SRRM4: variants seen among roughly 807,000 people sequenced by gnomAD.
SRRM4 encodes serine/arginine repetitive matrix 4.
A neutral mutation model predicts 68.9 loss-of-function variants in SRRM4; 33 were observed. The ratio of observed to expected loss-of-function variants is 0.48; its 90% confidence interval spans 0.36 to 0.64. SRRM4 has a LOEUF of 0.64. Ranked by LOEUF, SRRM4 falls within the 30% of genes least tolerant of loss-of-function variation. The probability of loss-of-function intolerance (pLI) is 0.00; values close to 1 mark genes in which losing one functional copy is unlikely to be tolerated. For missense variants in SRRM4, 817 were observed against 827.1 expected (o/e 0.99, Z 0.15); for synonymous variants, 318 against 318.8 (o/e 1.00, Z 0.03).
chr12:119,098,636 G>C (rs1183053036), intron 1 of SRRM4, among the ~76,000 whole-genome samples: 2 of 152,096 alleles, frequency 1.3e-5, no homozygotes, highest in African/African-American at 4.8e-5. Flanking sequence ...TGCTGGCAAG[G>C]GAGCAAAGGC....
intron 1 of SRRM4, among the ~76,000 whole-genome samples, chr12:119,029,159 G>A (rs1002154707): frequency 6.6e-6 from 1 of 152,194 alleles, no homozygotes; most frequent in Non-Finnish European, 1.5e-5. Context: ...CCTCAAGGAA[G>A]AAGGAGAAGC....
intron 1 of SRRM4, among the ~76,000 whole-genome samples, chr12:119,002,163 G>A (rs1953388721): frequency 6.6e-6 from 1 of 151,908 alleles, no homozygotes; most frequent in South Asian, 2.1e-4. Context: ...GAAGTGCTTA[G>A]CCCAGTTGCC....
chr12:119,079,995 A>G (rs1283623580), intron 1 of SRRM4, among the ~76,000 whole-genome samples: 5 of 151,954 alleles, frequency 3.3e-5, no homozygotes, highest in African/African-American at 1.2e-4. Context: ...CCTTGATTTA[A>G]TCAACCCGAA....
rs185762962 is a variant in SRRM4, at chr12:119,016,445, C to T, written c.131+34432C>T. Among the ~76,000 whole-genome samples, 61 of 145,896 alleles carry T rather than the reference C, an allele frequency of 4.2e-4. No individual in the cohort carries two copies. In the East Asian group the frequency reaches 7.4e-3, roughly 18 times the overall value. ...GCCCTCCAGAGTTCAGAATTCAATA[C>T]GATGTAATTAAAAAAAAAAAAAAGA... On this transcript the variant is annotated intron_variant, in intron 1 of 12. Coordinates refer to ENST00000267260, the MANE Select transcript of SRRM4 (RefSeq NM_194286.4).
chr12:119,116,868 G>C, intron 3 of SRRM4, 69 bp from the exon 4 acceptor site: 1 of 1,361,270 alleles, frequency 7.3e-7, no homozygotes, highest in South Asian at 1.2e-5. Context: ...GACTGGGGAA[G>C]GTTCTTTTTG....
chr12:119,134,394 A>G (rs976513351), intron 8 of SRRM4, among the ~76,000 whole-genome samples: 1 of 151,758 alleles, frequency 6.6e-6, no homozygotes, highest in Admixed American at 6.6e-5. Context: ...AAAAAAAAAA[A>G]AAAAGAAGAA....
At chr12:119,068,100 A>G (rs928972514) in intron 1 of SRRM4, among the ~76,000 whole-genome samples, 1 of 152,202 alleles carries the variant, frequency 6.6e-6, no homozygotes, top group African/African-American at 2.4e-5. Flanking sequence ...GTGTTTAAAT[A>G]CTGGGCTTCA....
chr12:119,015,395 T>C (rs1953475033), intron 1 of SRRM4, among the ~76,000 whole-genome samples: 1 of 152,158 alleles, frequency 6.6e-6, no homozygotes, highest in African/African-American at 2.4e-5. Flanking sequence ...CTGCATGCAA[T>C]AGCTACAGTG....
intron 1 of SRRM4, among the ~76,000 whole-genome samples, chr12:119,004,249 C>A (rs1282068826): frequency 6.6e-6 from 1 of 151,978 alleles, no homozygotes; most frequent in Non-Finnish European, 1.5e-5. Context: ...TTTATATATT[C>A]CCCAGATCCA....
chr12:119,029,512 C>T (rs1310079172), intron 1 of SRRM4, among the ~76,000 whole-genome samples: 1 of 152,176 alleles, frequency 6.6e-6, no homozygotes, highest in African/African-American at 2.4e-5. Context: ...ATTCAACAAC[C>T]ATTCATTAGG....
At chr12:119,010,299 C>T (rs942993887) in intron 1 of SRRM4, among the ~76,000 whole-genome samples, 2 of 152,184 alleles carry the variant, frequency 1.3e-5, no homozygotes, top group African/African-American at 2.4e-5. Context: ...GTAATCCGCC[C>T]GCCTCAGCCT....
intron 1 of SRRM4, among the ~76,000 whole-genome samples, chr12:119,050,037 A>T (rs1953732542): frequency 6.6e-6 from 1 of 152,184 alleles, no homozygotes; most frequent in Non-Finnish European, 1.5e-5. Flanking sequence ...AACAAGTAGT[A>T]ATCTAATTAT....
chr12:119,154,289 C>A lies in SRRM4; in HGVS notation c.1438C>A (p.Arg480Ser), dbSNP rs1290126478. 1.9e-6 allele frequency: 3 copies of A among 1,610,472 alleles called. No individual in the cohort carries two copies. Among genetic ancestry groups the A allele is most frequent in the Non-Finnish European group, 2.5e-6 (3 of 1,178,570 alleles). The change falls in exon 12 of 13, where the codon CGC becomes AGC. Residue 480 changes from arginine (R) to serine (S), a missense_variant. Coordinates refer to ENST00000267260, the MANE Select transcript of SRRM4 (RefSeq NM_194286.4). The surrounding 1 kb of genome is among the most constrained non-coding windows in gnomAD (Gnocchi z 4.7). Reference sequence around the variant, plus strand: ...TGAGAAGGACTCGCAGCAGCGGGAGCGCGAGCGAGCGCGTCGGAGACGTCG... The same window carrying A: ...TGAGAAGGACTCGCAGCAGCGGGAGAGCGAGCGAGCGCGTCGGAGACGTCG... ...YSEKDSQQRE[R>S]ERARRRRRSY...
chr12:119,138,675 C>T (rs1273447179), intron 8 of SRRM4, among the ~76,000 whole-genome samples: 2 of 152,222 alleles, frequency 1.3e-5, no homozygotes, highest in Non-Finnish European at 2.9e-5. Context: ...TATTGTCTCC[C>T]TCTCTCCTCT....
At chr12:119,088,487 A>G (rs901128676) in intron 1 of SRRM4, among the ~76,000 whole-genome samples, 3 of 152,224 alleles carry the variant, frequency 2.0e-5, no homozygotes, top group Non-Finnish European at 4.4e-5. Flanking sequence ...CATTGTGCTT[A>G]GTTTAATGTA....
intron 11 of SRRM4, 134 bp downstream of exon 11, chr12:119,153,783 T>C: frequency 1.5e-6 from 1 of 656,742 alleles, no homozygotes; most frequent in South Asian, 1.8e-5. Flanking sequence ...ATTCTTACAG[T>C]TCCCTTTGTC....
At chr12:118,982,364 T>C (rs1015853564) in intron 1 of SRRM4, among the ~76,000 whole-genome samples, 1 of 152,016 alleles carries the variant, frequency 6.6e-6, no homozygotes, top group African/African-American at 2.4e-5. Flanking sequence ...AATGGTGGAT[T>C]TGAGATGTTT....
intron 1 of SRRM4, among the ~76,000 whole-genome samples, chr12:119,038,402 G>A (rs1594038258): frequency 6.6e-6 from 1 of 151,872 alleles, no homozygotes; most frequent in Non-Finnish European, 1.5e-5. Flanking sequence ...TAGTAGAGAC[G>A]GGGTTTCACC....
intron 1 of SRRM4, among the ~76,000 whole-genome samples, chr12:119,061,271 G>C (rs1358120733): frequency 6.6e-6 from 1 of 152,234 alleles, no homozygotes; most frequent in Non-Finnish European, 1.5e-5. Context: ...GGTGGGGGCA[G>C]AGTGTCCTTG....
Sources: allele counts gnomAD v4.1 joint callset (sites outside exome capture counted in the v4.1 genomes callset), GRCh38; gene constraint gnomAD v4.1.1; non-coding constraint Gnocchi (gnomAD v3.1); transcripts MANE v1.5; gene names NCBI Gene and HGNC (gene_info 2026-07-23, HGNC 2026-07-21).